SFMBT1: variants seen among roughly 807,000 people sequenced by gnomAD.
SFMBT1 encodes scm-like with four MBT domains protein 1.
In SFMBT1, 32 loss-of-function variants were observed where a neutral mutation model predicts 108.7. That is an observed-to-expected ratio of 0.29 (90% confidence interval 0.22 to 0.40). SFMBT1 has a LOEUF of 0.40. Among genes scored for constraint, SFMBT1 ranks in the 10% least tolerant of loss-of-function variants. SFMBT1 has a pLI of 1.00. For synonymous variants in SFMBT1, 348 were observed against 369.5 expected, an observed-to-expected ratio of 0.94 and a Z score of 0.67; for missense variants, 816 against 1,059.6, an observed-to-expected ratio of 0.77 and a Z score of 3.19.
chr3:52,954,652 G>C (rs1011944362), intron 2 of SFMBT1, among the ~76,000 whole-genome samples: 1 of 152,142 alleles, frequency 6.6e-6, no homozygotes, highest in Non-Finnish European at 1.5e-5. Context: ...TCTTGCTGAA[G>C]AGGCACCCAA....
chr3:52,944,210 A>AAT (rs1703283557), intron 3 of SFMBT1, among the ~76,000 whole-genome samples: 2 of 152,240 alleles, frequency 1.3e-5, no homozygotes, highest in Non-Finnish European at 1.5e-5. Flanking sequence ...AAATAAATAT[A>AAT]CTATGAATAA....
chr3:52,998,044 T>TACA (rs1349852370), intron 1 of SFMBT1, among the ~76,000 whole-genome samples: 2 of 150,566 alleles, frequency 1.3e-5, no homozygotes, highest in Non-Finnish European at 3.0e-5. Context: ...CACAATGTTG[T>TACA]ACAAGAAAAT....
At chr3:53,031,589 A>C (rs954387232) in intron 1 of SFMBT1, among the ~76,000 whole-genome samples, 4 of 79,492 alleles carry the variant, frequency 5.0e-5, no homozygotes, top group African/African-American at 1.3e-4. Flanking sequence ...CTAAAACTAT[A>C]ACACTGTAAA....
chr3:53,030,542 A>G (rs1374899688), intron 1 of SFMBT1, among the ~76,000 whole-genome samples: 1 of 152,020 alleles, frequency 6.6e-6, no homozygotes, highest in East Asian at 1.9e-4. Context: ...AAGCAATCTC[A>G]TTTTTCTTAA....
chr3:52,909,448 A>T (rs576353226), intron 17 of SFMBT1, among the ~76,000 whole-genome samples: 1 of 152,236 alleles, frequency 6.6e-6, no homozygotes, highest in East Asian at 1.9e-4. Flanking sequence ...TAGACTTATA[A>T]GATTTTGTAA....
At chr3:53,035,432 C>G (rs896099123) in intron 1 of SFMBT1, among the ~76,000 whole-genome samples, 1 of 152,164 alleles carries the variant, frequency 6.6e-6, no homozygotes, top group African/African-American at 2.4e-5. Context: ...AGCAACAGAA[C>G]AAGGTTTGTA....
intron 1 of SFMBT1, among the ~76,000 whole-genome samples, chr3:53,025,097 A>C (rs897933407): frequency 1.3e-5 from 2 of 152,206 alleles, no homozygotes; most frequent in African/African-American, 4.8e-5. Flanking sequence ...AGTACCTATT[A>C]ATCCAGTTTT....
intron 6 of SFMBT1, among the ~76,000 whole-genome samples, chr3:52,931,809 C>T (rs1702867234): frequency 6.6e-6 from 1 of 152,076 alleles, no homozygotes. Flanking sequence ...CACTGCACTC[C>T]AGCCTGGGTA....
chr3:53,034,055 A>G (rs1213366576), intron 1 of SFMBT1, among the ~76,000 whole-genome samples: 2 of 142,202 alleles, frequency 1.4e-5, no homozygotes, highest in Non-Finnish European at 3.0e-5. Flanking sequence ...GGGCAACAAG[A>G]GCAAAACTCT....
intron 1 of SFMBT1, among the ~76,000 whole-genome samples, chr3:52,988,677 T>C (rs1002815804): frequency 6.6e-6 from 1 of 152,202 alleles, no homozygotes; most frequent in Non-Finnish European, 1.5e-5. Flanking sequence ...GGAGTAAATC[T>C]CTGGTTACTA....
chr3:52,972,744 AAC>A (rs55859723), intron 1 of SFMBT1, among the ~76,000 whole-genome samples: 20,821 of 94,738 alleles, frequency 0.22, 2,269 homozygotes, highest in Non-Finnish European at 0.26. Context: ...ATCTCTACTA[AAC>A]ACACACACAC....
chr3:52,921,238 T>A (rs556212558), intron 11 of SFMBT1, among the ~76,000 whole-genome samples: 2 of 152,212 alleles, frequency 1.3e-5, no homozygotes, highest in Non-Finnish European at 2.9e-5. Flanking sequence ...AGGGCATATA[T>A]GGTAACCGTA....
rs3733037 is a variant in SFMBT1, at chr3:52,928,240, G to A, written c.999C>T (p.Phe333=). 3.5e-3 allele frequency: 5,597 copies of A among 1,614,068 alleles called. 210 individuals carry two copies. The Admixed American group carries it at 0.071, about 20-fold the overall frequency. ...CATTCTTCAGACTCCACTGCACAGG[G>A]AAGATGCCAGGACTGTCGGCGTGGC... is the stretch of plus-strand genomic sequence containing the variant. ...FVCHADSPGI[F]PVQWSLKNGL... is the part of the protein sequence containing the mutation. The change falls in exon 9 of 21, where the codon TTC becomes TTT. Residue 333 remains phenylalanine, a synonymous_variant. Coordinates refer to ENST00000394752, the MANE Select transcript of SFMBT1 (RefSeq NM_016329.4).
At chr3:52,976,383 G>A (rs759756207) in intron 1 of SFMBT1, among the ~76,000 whole-genome samples, 14 of 152,122 alleles carry the variant, frequency 9.2e-5, no homozygotes, top group African/African-American at 2.2e-4. Flanking sequence ...ATATAAAATC[G>A]TGAAAGGATA....
chr3:53,002,323 C>T (rs190258910), intron 1 of SFMBT1, among the ~76,000 whole-genome samples: 2,795 of 145,814 alleles, frequency 0.019, 117 homozygotes, highest in African/African-American at 0.066. Context: ...GGCGTGAACC[C>T]GGGAGGCGAA....
intron 1 of SFMBT1, among the ~76,000 whole-genome samples, chr3:53,030,466 C>T (rs1367971775): frequency 2.0e-5 from 3 of 151,868 alleles, no homozygotes; most frequent in East Asian, 1.9e-4. Flanking sequence ...GTTTTAAAGG[C>T]GTACTTAAGT....
At chr3:52,958,662 T>C (rs1305391676) in intron 2 of SFMBT1, among the ~76,000 whole-genome samples, 1 of 152,108 alleles carries the variant, frequency 6.6e-6, no homozygotes, top group Non-Finnish European at 1.5e-5. Flanking sequence ...ATAGGAACAC[T>C]TTTACACTGT....
chr3:52,961,736 C>T (rs1703966211), intron 2 of SFMBT1, among the ~76,000 whole-genome samples: 1 of 152,112 alleles, frequency 6.6e-6, no homozygotes, highest in Non-Finnish European at 1.5e-5. Context: ...GAAATACAAG[C>T]CAATAATAAA....
intron 1 of SFMBT1, among the ~76,000 whole-genome samples, chr3:52,988,257 C>T (rs1019282219): frequency 1.3e-5 from 2 of 152,120 alleles, no homozygotes; most frequent in African/African-American, 4.8e-5. Context: ...TTTAAAGATG[C>T]CTAGACTATA....
Sources: allele counts gnomAD v4.1 joint callset (sites outside exome capture counted in the v4.1 genomes callset), GRCh38; gene constraint gnomAD v4.1.1; transcripts MANE v1.5; gene names NCBI Gene and HGNC (gene_info 2026-07-23, HGNC 2026-07-21).